The following SMAD5 variants were observed in gnomAD, a reference collection of about 807,000 sequenced individuals.
SMAD5 encodes MAD, mothers against decapentaplegic homolog 5.
Under a neutral mutation model 43.1 loss-of-function variants are expected in SMAD5, and 9 were observed. The ratio of observed to expected loss-of-function variants is 0.21; its 90% CI spans 0.13 to 0.36. The LOEUF is 0.36. SMAD5 is among the 10% of genes least tolerant of loss of function. The pLI, the probability that SMAD5 is intolerant of heterozygous loss-of-function variation, is 1.00. For synonymous variants in SMAD5, 190 were observed against 192.4 expected, an observed-to-expected ratio of 0.99 and a Z score of 0.10; for missense variants, 348 against 574.0, an observed-to-expected ratio of 0.61 and a Z score of 4.02.
chr5:136,144,203 T>A (rs769689833), intron 1 of SMAD5, among the ~76,000 whole-genome samples: 2 of 152,052 alleles, frequency 1.3e-5, no homozygotes, highest in Non-Finnish European at 2.9e-5. Context: ...GGGGATTCTC[T>A]GGTTTTCAAG....
intron 3 of SMAD5, among the ~76,000 whole-genome samples, chr5:136,155,843 G>C (rs1753617532): frequency 6.6e-6 from 1 of 152,214 alleles, no homozygotes; most frequent in Non-Finnish European, 1.5e-5. Flanking sequence ...GCTTAGAATA[G>C]TATATTGTTG....
At chr5:136,144,467 C>T (rs1753193180) in intron 1 of SMAD5, among the ~76,000 whole-genome samples, 1 of 151,882 alleles carries the variant, frequency 6.6e-6, no homozygotes, top group Non-Finnish European at 1.5e-5. Flanking sequence ...TTATAAACAA[C>T]TGTTTTACAA....
In SMAD5 at chr5:136,180,345, T is replaced by A. The variant is rs1197979131; in HGVS notation, c.*2865T>A. 1 of 152,166 alleles carries A rather than the reference T, an allele frequency of 6.6e-6. No homozygotes were observed. Among genetic ancestry groups the A allele is most frequent in the Non-Finnish European group, 1.5e-5 (1 of 68,002 alleles). The allele number at this position is 152,166 out of a possible 1,614,324, so 9.4% of individuals were successfully genotyped here. ...GCACCACTAGAATAATCACATAGCA[T>A]GTACAATATATTTATGCTGGCTGAA... On this transcript the variant is annotated 3_prime_UTR_variant, in exon 8 of 8. Coordinates refer to ENST00000545279, the MANE Select transcript of SMAD5 (RefSeq NM_005903.7).
rs1157253865 is a variant in SMAD5, at chr5:136,179,849, C to T, written c.*2369C>T. On this transcript the variant is annotated 3_prime_UTR_variant, in exon 8 of 8. Coordinates refer to ENST00000545279, the MANE Select transcript of SMAD5 (RefSeq NM_005903.7). Reference sequence around the variant, plus strand: ...TTGAATGACTGATGTATGTAATCAACTTCATTGGGCTGCAGTAAACTAGTG... The same window carrying T: ...TTGAATGACTGATGTATGTAATCAATTTCATTGGGCTGCAGTAAACTAGTG... 2.0e-5 allele frequency: 3 copies of T among 152,118 alleles called. No individual in the cohort carries two copies. The allele number at this position is 152,118 out of a possible 1,614,324, so 9.4% of individuals were successfully genotyped here. A position where few individuals can be genotyped will look rare whatever the true frequency, so the allele number is the denominator to read the frequency against.
chr5:136,153,953 T>G lies in SMAD5; in HGVS notation c.193T>G (p.Cys65Gly), dbSNP rs769211710. Residue 65 changes from cysteine (C) to glycine (G), a missense_variant, in exon 3 of 8, where the codon TGT becomes GGT. This residue lies in a region of SMAD5 where 39 missense variants were observed against 78.5 expected (regional missense o/e 0.50). Coordinates refer to ENST00000545279, the MANE Select transcript of SMAD5 (RefSeq NM_005903.7). ...GAGCAGTCCAGGACAGCCGAGTAAATGTGTCACTATTCCCAGATCTTTAGA... is the reference window on the plus strand; with the variant it reads ...GAGCAGTCCAGGACAGCCGAGTAAAGGTGTCACTATTCCCAGATCTTTAGA... ...ALSSPGQPSK[C>G]VTIPRSLDGR... The G allele has an allele frequency of 6.2e-7, 1 of 1,612,240 alleles. No homozygotes were observed. Among genetic ancestry groups the G allele is most frequent in the Non-Finnish European group, 8.5e-7 (1 of 1,179,394 alleles).
At chr5:136,159,578 T>C (rs1423502364) in intron 3 of SMAD5, among the ~76,000 whole-genome samples, 2 of 152,172 alleles carry the variant, frequency 1.3e-5, no homozygotes, top group Non-Finnish European at 2.9e-5. Flanking sequence ...CTGAACTGAA[T>C]TCCTGAGTAG....
chr5:136,155,621 T>A (rs1753609243), intron 3 of SMAD5, among the ~76,000 whole-genome samples: 1 of 152,194 alleles, frequency 6.6e-6, no homozygotes, highest in Non-Finnish European at 1.5e-5. Flanking sequence ...AGTTCTCTGT[T>A]CCTTGGACTT....
rs1307719021 is a variant in SMAD5, at chr5:136,179,656, A to C, written c.*2176A>C. On this transcript the variant is annotated 3_prime_UTR_variant, in exon 8 of 8. Transcript: ENST00000545279. ...CTTTCTGACAGTCACCTGAGCCTTA[A>C]ATGTAAGTATTACATGACATGCATT... 6.6e-6 allele frequency: 1 copy of C among 151,722 alleles called. No homozygotes were observed. Among genetic ancestry groups the C allele is most frequent in the Non-Finnish European group, 1.5e-5 (1 of 67,970 alleles). 9.4% of individuals were successfully genotyped at this position (151,722 alleles called of 1,614,324 possible).
Position 136,163,302 on chromosome 5 carries a change from C to G in SMAD5, c.686C>G (p.Pro229Arg), listed in dbSNP as rs201985360. The G allele has an allele frequency of 7.2e-4, 1,165 of 1,610,814 alleles. 2 individuals are homozygous for G. The highest frequency in any genetic ancestry group is 9.1e-4 in the Non-Finnish European group (1,072 of 1,177,974). ...ADTPPPAYMP[P>R]DDQMGQDNSQ... ...ACGCCTCCTCCTGCCTATATGCCAC[C>G]TGATGATCAGATGGGTCAAGATAAT... The change falls in exon 5 of 8, where the codon CCT (proline) becomes CGT (arginine). Residue 229 changes from proline to arginine, a missense_variant. Coordinates refer to ENST00000545279, the MANE Select transcript of SMAD5 (RefSeq NM_005903.7).
In SMAD5 at chr5:136,180,829, C is replaced by G. The variant is rs1332188793; in HGVS notation, c.*3349C>G. The stretch of plus-strand genomic sequence containing the variant: ...GATAGAGGATGTAGCTATTTTATAC[C>G]TTTCATAACATTTGAGAGTAAGATA... On this transcript the variant is annotated 3_prime_UTR_variant, in exon 8 of 8. Transcript: ENST00000545279. 1 of 152,016 alleles carries G rather than the reference C, an allele frequency of 6.6e-6. No individual in the cohort carries two copies. The highest frequency in any genetic ancestry group is 1.5e-5 in the Non-Finnish European group (1 of 67,936). 9.4% of individuals were successfully genotyped at this position (152,016 alleles called of 1,614,324 possible). A position where few individuals can be genotyped will look rare whatever the true frequency, so the allele number is the denominator to read the frequency against.
intron 6 of SMAD5, chr5:136,172,868 G>A: frequency 1.8e-6 from 1 of 545,456 alleles, no homozygotes; most frequent in Non-Finnish European, 3.3e-6. Flanking sequence ...CAGTGCTAAG[G>A]ATCTGAAATC....
chr5:136,165,415 CAT>C (rs887976642), intron 5 of SMAD5, among the ~76,000 whole-genome samples: 58 of 151,858 alleles, frequency 3.8e-4, no homozygotes, highest in Non-Finnish European at 5.0e-4. Context: ...CTATATATAA[CAT>C]AAATTTTACC....
chr5:136,138,136 T>C (rs7707640), intron 1 of SMAD5, among the ~76,000 whole-genome samples: 54,769 of 152,008 alleles, frequency 0.36, 10,849 homozygotes, highest in African/African-American at 0.54. Flanking sequence ...TCAGGCTCTG[T>C]TTAATTAGGG....
At chr5:136,165,662 ATTTTTTTTTTTT>A (rs58156387) in intron 5 of SMAD5, among the ~76,000 whole-genome samples, 1,982 of 65,426 alleles carry the variant, frequency 0.03, 191 homozygotes, top group African/African-American at 0.093. Context: ...GAATCATACA[ATTTTTTTTTTTT>A]TTTTTTTTTT....
intron 3 of SMAD5, among the ~76,000 whole-genome samples, chr5:136,158,265 T>TA (rs961140999): frequency 2.0e-5 from 3 of 151,494 alleles, no homozygotes; most frequent in Admixed American, 6.6e-5. Flanking sequence ...TATCATAGAT[T>TA]AAAAAAAAGA....
rs994194340 is a variant in SMAD5, at chr5:136,179,645, C to G, written c.*2165C>G. The G allele has an allele frequency of 4.6e-5, 7 of 152,174 alleles. No individual in the cohort carries two copies. The highest frequency in any genetic ancestry group is 7.2e-5 in the African/African-American group (3 of 41,458). The allele number at this position is 152,174 out of a possible 1,614,324, so 9.4% of individuals were successfully genotyped here. ...TAAAAGAAATACTTTCTGACAGTCA[C>G]CTGAGCCTTAAATGTAAGTATTACA... On this transcript the variant is annotated 3_prime_UTR_variant, in exon 8 of 8. Transcript: ENST00000545279.
intron 7 of SMAD5, 73 bp from the exon 8 acceptor site, chr5:136,177,264 T>G (rs1754452722): frequency 1.5e-6 from 2 of 1,318,000 alleles, no homozygotes; most frequent in South Asian, 1.2e-5. Flanking sequence ...TATCTTTTTC[T>G]TATGGTAAAA....
rs909526759 is a variant in SMAD5, at chr5:136,181,523, T to G, written c.*4043T>G. ...TATCAGATATTATTAGGGCAGCTTT[T>G]TGGGGAGTAATCTCAGGTCTCCCAG... is the stretch of plus-strand genomic sequence containing the variant. On this transcript the variant is annotated 3_prime_UTR_variant, in exon 8 of 8. Transcript: ENST00000545279. 4 of 152,174 alleles carry G rather than the reference T, an allele frequency of 2.6e-5. No individual in the cohort carries two copies. Among genetic ancestry groups the G allele is most frequent in the African/African-American group, 9.7e-5 (4 of 41,448 alleles). 9.4% of individuals were successfully genotyped at this position (152,174 alleles called of 1,614,324 possible).
rs938004904 is a variant in SMAD5 at position 136,179,909 on chromosome 5, T to C, written c.*2429T>C. The C allele has an allele frequency of 6.6e-6, 1 of 152,246 alleles. No individual in the cohort carries two copies. The highest frequency in any genetic ancestry group is 1.5e-5 in the Non-Finnish European group (1 of 68,032). The allele number at this position is 152,246 out of a possible 1,614,324, so 9.4% of individuals were successfully genotyped here. ...GAGTTGTTTTATTGGTGTTTTCTAC[T>C]GTGAGTTAATTAAAAATTGTTTTTA... On this transcript the variant is annotated 3_prime_UTR_variant, in exon 8 of 8. Transcript: ENST00000545279.
Sources: allele counts gnomAD v4.1 joint callset (sites outside exome capture counted in the v4.1 genomes callset), GRCh38; gene constraint gnomAD v4.1.1; regional missense constraint gnomAD v4.1.1; transcripts MANE v1.5; gene names NCBI Gene and HGNC (gene_info 2026-07-23, HGNC 2026-07-21).